The following TAFA1 variants were observed in gnomAD, a reference collection of about 807,000 sequenced individuals.
TAFA1 encodes the protein chemokine-like protein TAFA-1.
TAFA1 carries 4 observed loss-of-function variants against 18.5 expected under a neutral mutation model. That is an observed-to-expected ratio of 0.22 (90% CI 0.11 to 0.49). TAFA1 has a LOEUF of 0.49. TAFA1 is among the 20% of genes least tolerant of loss of function. The pLI is 0.98. For synonymous variants in TAFA1, 56 were observed against 55.2 expected (o/e 1.01, Z -0.06); for missense variants, 147 against 169.0 (o/e 0.87, Z 0.72).
chr3:68,098,428 A>G (rs191645000), intron 2 of TAFA1, among the ~76,000 whole-genome samples: 21 of 152,256 alleles, frequency 1.4e-4, no homozygotes, highest in Admixed American at 6.5e-4. Flanking sequence ...AAAAGTAAAT[A>G]TATAAAGGCA....
chr3:68,127,618 TGATGA>T (rs2065480512), intron 2 of TAFA1, among the ~76,000 whole-genome samples: 1 of 134,788 alleles, frequency 7.4e-6, no homozygotes, highest in Non-Finnish European at 1.6e-5. Context: ...GGTGGTGGTG[TGATGA>T]TGGTCGTGGT....
intron 2 of TAFA1, among the ~76,000 whole-genome samples, chr3:68,236,419 C>T (rs1476860672): frequency 2.6e-5 from 4 of 152,204 alleles, no homozygotes; most frequent in Non-Finnish European, 5.9e-5. Context: ...ATGGCATTCT[C>T]ATATAGGCCA....
At chr3:68,435,967 A>T (rs779829469) in intron 3 of TAFA1, among the ~76,000 whole-genome samples, 4 of 152,136 alleles carry the variant, frequency 2.6e-5, no homozygotes, top group African/African-American at 9.7e-5. Flanking sequence ...AGATATTTTT[A>T]CTTGATTGAG....
intron 2 of TAFA1, among the ~76,000 whole-genome samples, chr3:68,256,312 C>G (rs78690920): frequency 6.6e-6 from 1 of 152,026 alleles, no homozygotes; most frequent in Non-Finnish European, 1.5e-5. Flanking sequence ...TTTTTCAATA[C>G]GAGGAGTTCT....
intron 2 of TAFA1, among the ~76,000 whole-genome samples, chr3:68,306,787 A>T (rs1288042564): frequency 6.6e-6 from 1 of 152,140 alleles, no homozygotes; most frequent in Non-Finnish European, 1.5e-5. Context: ...CCTACACAGG[A>T]GCAGGGGTGG....
At chr3:68,305,423 ATATATATATATATAT>A (rs2068394802) in intron 2 of TAFA1, among the ~76,000 whole-genome samples, 17 of 94,322 alleles carry the variant, frequency 1.8e-4, no homozygotes, top group Non-Finnish European at 4.4e-5. Flanking sequence ...ATATATATAT[ATATATATATATATAT>A]ATATATATAT....
At chr3:68,470,342 T>C (rs2071974577) in intron 3 of TAFA1, among the ~76,000 whole-genome samples, 1 of 152,154 alleles carries the variant, frequency 6.6e-6, no homozygotes, top group Admixed American at 6.5e-5. Context: ...AAACTGGTAC[T>C]GGTAGAGTGG....
chr3:68,150,780 T>C (rs2065797904), intron 2 of TAFA1, among the ~76,000 whole-genome samples: 1 of 152,116 alleles, frequency 6.6e-6, no homozygotes, highest in Admixed American at 6.6e-5. Flanking sequence ...AAAATGTTTC[T>C]TTTCAGAAAA....
At chr3:68,273,183 C>A (rs1295840098) in intron 2 of TAFA1, among the ~76,000 whole-genome samples, 3 of 152,048 alleles carry the variant, frequency 2.0e-5, no homozygotes, top group Non-Finnish European at 4.4e-5. Context: ...TGAGTAAAAG[C>A]CTTCAACCAT....
At chr3:68,031,326 A>T (rs1202584873) in intron 2 of TAFA1, among the ~76,000 whole-genome samples, 2 of 152,166 alleles carry the variant, frequency 1.3e-5, no homozygotes, top group African/African-American at 4.8e-5. Context: ...CTTATATCCC[A>T]TCTGGGTTCT....
intron 2 of TAFA1, among the ~76,000 whole-genome samples, chr3:68,041,711 C>A (rs866548748): frequency 1.3e-5 from 2 of 152,206 alleles, no homozygotes; most frequent in Non-Finnish European, 1.5e-5. Context: ...AAGCCATGTT[C>A]TCTAGGACTT....
At chr3:68,222,215 C>G (rs1269637623) in intron 2 of TAFA1, among the ~76,000 whole-genome samples, 1 of 152,266 alleles carries the variant, frequency 6.6e-6, no homozygotes, top group African/African-American at 2.4e-5. Context: ...TGTAGTTTGT[C>G]TTGCCCTTTA....
intron 2 of TAFA1, among the ~76,000 whole-genome samples, chr3:68,195,962 T>C (rs2066405164): frequency 6.6e-6 from 1 of 151,678 alleles, no homozygotes; most frequent in Non-Finnish European, 1.5e-5. Context: ...AATGTACATA[T>C]CTAAAAATAT....
At chr3:68,281,467 C>CTTTTTTTT (rs10713944) in intron 2 of TAFA1, among the ~76,000 whole-genome samples, 2 of 111,750 alleles carry the variant, frequency 1.8e-5, no homozygotes, top group African/African-American at 3.4e-5. Context: ...CCACATTAAC[C>CTTTTTTTT]TTTTTTTTTT....
chr3:67,994,138 A>G, the TAFA1 span, among the ~76,000 whole-genome samples: 8 of 152,208 alleles, frequency 5.3e-5, no homozygotes, highest in Non-Finnish European at 1.0e-4. Context: ...CTGAGACTAT[A>G]TATTTCTAGA....
chr3:68,099,428 G>A (rs6548980), intron 2 of TAFA1, among the ~76,000 whole-genome samples: 77,120 of 151,904 alleles, frequency 0.51, 19,953 homozygotes, highest in South Asian at 0.63. Context: ...AATCGTCAGA[G>A]AAATGTGAAT....
intron 2 of TAFA1, among the ~76,000 whole-genome samples, chr3:68,240,509 T>C (rs201746035): frequency 2.0e-5 from 3 of 152,172 alleles, no homozygotes; most frequent in Admixed American, 1.3e-4. Flanking sequence ...TTTTTTAAAA[T>C]CACTCCAGCT....
chr3:68,531,248 T>C (rs2073184632), intron 3 of TAFA1, among the ~76,000 whole-genome samples: 1 of 152,180 alleles, frequency 6.6e-6, no homozygotes, highest in African/African-American at 2.4e-5. Flanking sequence ...CCTCAGATTC[T>C]GCCTCCTCAG....
At chr3:68,370,389 T>TACACATATATATGTACACACAC (rs2069667366) in intron 2 of TAFA1, among the ~76,000 whole-genome samples, 1 of 65,052 alleles carries the variant, frequency 1.5e-5, no homozygotes, top group Non-Finnish European at 3.1e-5. Context: ...CACATATATA[T>TACACATATATATGTACACACAC]ACACACATAT....
Sources: gnomAD v4.1 joint callset for allele counts (sites outside exome capture counted in the v4.1 genomes callset) on GRCh38, gnomAD v4.1.1 for gene constraint, MANE v1.5 for transcripts, NCBI Gene and HGNC (gene_info 2026-07-23, HGNC 2026-07-21) for gene names.